Variants in PCDH15 observed in about 807,000 individuals in gnomAD.
PCDH15 encodes protocadherin related 15.
Under a neutral mutation model 178.5 loss-of-function variants are expected in PCDH15, and 129 were observed. That is an observed-to-expected ratio of 0.72 (90% CI 0.63 to 0.84). PCDH15 has a LOEUF of 0.84. Among genes scored for constraint, PCDH15 ranks in the 40% least tolerant of loss-of-function variants. The pLI is 0.00. For synonymous variants in PCDH15, 800 were observed against 732.0 expected, an observed-to-expected ratio of 1.09 and a Z score of -1.50; for missense variants, 2,230 against 2,099.9, an observed-to-expected ratio of 1.06 and a Z score of -1.21.
intron 5 of PCDH15, among the ~76,000 whole-genome samples, chr10:54,353,224 T>C (rs1944440367): frequency 6.6e-6 from 1 of 152,094 alleles, no homozygotes; most frequent in Admixed American, 6.6e-5. Flanking sequence ...AAATCAAACA[T>C]CCGTTTGAAG....
intron 8 of PCDH15, among the ~76,000 whole-genome samples, chr10:54,289,775 T>A (rs987191059): frequency 2.0e-5 from 3 of 151,866 alleles, no homozygotes; most frequent in Non-Finnish European, 4.4e-5. Context: ...GCCAATTCGA[T>A]CAAGTGAAAG....
intron 3 of PCDH15, among the ~76,000 whole-genome samples, chr10:54,867,882 T>C (rs1051472668): frequency 1.3e-5 from 2 of 152,128 alleles, no homozygotes; most frequent in African/African-American, 4.8e-5. Flanking sequence ...TAACTGAAGA[T>C]CTACTGCACA....
chr10:54,308,203 A>C (rs2060670463), intron 8 of PCDH15, among the ~76,000 whole-genome samples: 1 of 152,144 alleles, frequency 6.6e-6, no homozygotes, highest in Non-Finnish European at 1.5e-5. Context: ...TCAGAGTTTC[A>C]GAATAAATGT....
At chr10:53,821,174 C>T (rs1018633122) in intron 32 of PCDH15, 34 of 971,078 alleles carry the variant, frequency 3.5e-5, no homozygotes, top group Non-Finnish European at 4.2e-5. Flanking sequence ...AATAAGACAG[C>T]AACTGAAAAA....
At chr10:55,315,794 G>A (rs898515024) in intron 1 of PCDH15, among the ~76,000 whole-genome samples, 6 of 152,056 alleles carry the variant, frequency 3.9e-5, no homozygotes, top group African/African-American at 1.4e-4. Context: ...GAGGCAGGCA[G>A]ATCACGAGGT....
chr10:54,538,525 A>G (rs2084830493), intron 2 of PCDH15, among the ~76,000 whole-genome samples: 1 of 152,050 alleles, frequency 6.6e-6, no homozygotes. Context: ...CTTAGAGTAT[A>G]GTTTGAAAAA....
At chr10:54,960,521 T>G (rs949869721) in intron 2 of PCDH15, among the ~76,000 whole-genome samples, 3 of 152,166 alleles carry the variant, frequency 2.0e-5, no homozygotes, top group Admixed American at 6.5e-5. Context: ...ACCAATGCTA[T>G]TTTCTTGAGT....
chr10:53,937,014 TAAC>T (rs1268136267), intron 25 of PCDH15, among the ~76,000 whole-genome samples: 1 of 152,122 alleles, frequency 6.6e-6, no homozygotes, highest in Non-Finnish European at 1.5e-5. Flanking sequence ...AAAAGGTTAA[TAAC>T]AATATTCAAA....
intron 2 of PCDH15, among the ~76,000 whole-genome samples, chr10:55,564,543 C>G (rs1414646822): frequency 6.6e-6 from 1 of 151,462 alleles, no homozygotes; most frequent in Non-Finnish European, 1.5e-5. Context: ...AATAGCAAAG[C>G]CCTTCAAACA....
chr10:54,961,710 T>C (rs1195829956), intron 2 of PCDH15, among the ~76,000 whole-genome samples: 1 of 152,154 alleles, frequency 6.6e-6, no homozygotes, highest in Non-Finnish European at 1.5e-5. Context: ...GCTACCCACT[T>C]TGGGTCTCCT....
Position 55,624,603 on chromosome 10 carries a change from G to C in PCDH15, c.-156+3022C>G, listed in dbSNP as rs574709520. 2.6e-5 allele frequency among the ~76,000 whole-genome samples: 4 copies of C among 152,208 alleles called. No individual in the cohort carries two copies. The East Asian group carries it at 5.8e-4, about 22-fold the overall frequency. On this transcript the variant is annotated intron_variant, in intron 2 of 5. Coordinates refer to the PCDH15 transcript ENST00000613346. ...ATTAATAGAAAACTCTAATGCTTATGATGACAAAAACATGTTCTGTAAAAT... is the reference window on the plus strand; with the variant it reads ...ATTAATAGAAAACTCTAATGCTTATCATGACAAAAACATGTTCTGTAAAAT...
At chr10:55,457,329 C>A (rs754743066) in intron 2 of PCDH15, among the ~76,000 whole-genome samples, 1 of 151,982 alleles carries the variant, frequency 6.6e-6, no homozygotes, top group Non-Finnish European at 1.5e-5. Flanking sequence ...ACTCATTTTG[C>A]ATTAATATGC....
intron 2 of PCDH15, among the ~76,000 whole-genome samples, chr10:55,589,673 A>C (rs1842800410): frequency 6.6e-6 from 1 of 152,106 alleles, no homozygotes; most frequent in South Asian, 2.1e-4. Context: ...GACACTTCTC[A>C]AAAGAAGACA....
intron 18 of PCDH15, among the ~76,000 whole-genome samples, chr10:54,053,741 G>C (rs1172690345): frequency 6.6e-6 from 1 of 152,142 alleles, no homozygotes; most frequent in Non-Finnish European, 1.5e-5. Flanking sequence ...ACTGTGTTTT[G>C]TTTGTTCTGT....
chr10:55,154,969 T>C (rs1838844258), intron 2 of PCDH15, among the ~76,000 whole-genome samples: 1 of 152,106 alleles, frequency 6.6e-6, no homozygotes, highest in African/African-American at 2.4e-5. Context: ...GTTGTGACAT[T>C]AACAGCCTCC....
chr10:54,622,162 G>A (rs1235926297), intron 2 of PCDH15, among the ~76,000 whole-genome samples: 1 of 151,802 alleles, frequency 6.6e-6, no homozygotes, highest in Non-Finnish European at 1.5e-5. Flanking sequence ...TACCATCCCT[G>A]TCATAGGAAG....
At chr10:55,151,983 T>A (rs1386841853) in intron 2 of PCDH15, among the ~76,000 whole-genome samples, 2 of 152,004 alleles carry the variant, frequency 1.3e-5, no homozygotes, top group African/African-American at 2.4e-5. Context: ...CTGTGAGTGC[T>A]ATAGGAGACT....
intron 1 of PCDH15, among the ~76,000 whole-genome samples, chr10:55,274,423 C>G (rs542196196): frequency 6.6e-5 from 10 of 152,156 alleles, no homozygotes; most frequent in African/African-American, 2.4e-4. Context: ...GCAAACCTGT[C>G]CCCTGATTTG....
At chr10:54,758,970 G>T (rs1227987274) in intron 1 of PCDH15, among the ~76,000 whole-genome samples, 1 of 151,584 alleles carries the variant, frequency 6.6e-6, no homozygotes, top group Non-Finnish European at 1.5e-5. Context: ...TCATTTCCTG[G>T]TCTCCTACTG....
Sources: gnomAD v4.1 joint callset for allele counts (sites outside exome capture counted in the v4.1 genomes callset) on GRCh38, gnomAD v4.1.1 for gene constraint, MANE v1.5 for transcripts, NCBI Gene and HGNC (gene_info 2026-07-23, HGNC 2026-07-21) for gene names.